Variants in TANC2 observed in about 807,000 individuals in gnomAD.
TANC2 encodes the protein protein TANC2.
TANC2 carries 26 observed loss-of-function variants against 210.5 expected under a neutral mutation model. That is an observed-to-expected ratio of 0.12 (90% CI 0.09 to 0.17). TANC2 has a LOEUF of 0.17. Among genes scored for constraint, TANC2 ranks in the 10% least tolerant of loss-of-function variants. The pLI is 1.00. For missense variants in TANC2, 2,129 were observed against 2,608.9 expected, an observed-to-expected ratio of 0.82 and a Z score of 4.01; for synonymous variants, 931 against 967.1, an observed-to-expected ratio of 0.96 and a Z score of 0.69.
At chr17:63,354,963 C>T in exon 14 of TANC2, 2 of 1,613,888 alleles carry the variant, frequency 1.2e-6, no homozygotes, top group Non-Finnish European at 1.7e-6. Context: ...ACTCAGTTCT[C>T]ATCTCAAGAC....
intron 7 of TANC2, among the ~76,000 whole-genome samples, chr17:63,230,427 A>G (rs1306967157): frequency 6.6e-6 from 1 of 152,180 alleles, no homozygotes; most frequent in Non-Finnish European, 1.5e-5. Flanking sequence ...TTAGTGCTGT[A>G]AATTTCCCTC....
At chr17:63,241,200 A>G (rs758682409) in intron 8 of TANC2, among the ~76,000 whole-genome samples, 2 of 152,226 alleles carry the variant, frequency 1.3e-5, no homozygotes, top group Non-Finnish European at 2.9e-5. Context: ...AGATGGTAGT[A>G]TGAGCCAGTT....
chr17:63,047,257 T>C lies in TANC2; in HGVS notation c.68-26686T>C, dbSNP rs1018339018. Among the ~76,000 whole-genome samples, 6 of 152,178 alleles carry C rather than the reference T, an allele frequency of 3.9e-5. No homozygotes were observed. In the South Asian group the frequency reaches 8.3e-4, roughly 21 times the overall value. On this transcript the variant is annotated intron_variant, in intron 2 of 27. Coordinates refer to ENST00000689528, the Ensembl canonical transcript of TANC2. ...AAGTAGATCCAATTAGAAATGAAGCTGGAAAAGTAGAACCTTATAGATCGT... is the reference window on the plus strand; with the variant it reads ...AAGTAGATCCAATTAGAAATGAAGCCGGAAAAGTAGAACCTTATAGATCGT...
chr17:63,222,626 T>C (rs953063753), intron 7 of TANC2, among the ~76,000 whole-genome samples: 1 of 152,170 alleles, frequency 6.6e-6, no homozygotes, highest in South Asian at 2.1e-4. Flanking sequence ...GAAAGTTGAT[T>C]ACAGCATAAC....
intron 15 of TANC2, 42 bp from the exon 16 acceptor site, chr17:63,388,593 T>C (rs138515779): frequency 6.4e-7 from 1 of 1,568,556 alleles, no homozygotes; most frequent in African/African-American, 1.4e-5. Flanking sequence ...GCTACTTTTT[T>C]TTGCTGGGCT....
chr17:63,314,565 T>C, exon 10 of TANC2: 2 of 1,613,964 alleles, frequency 1.2e-6, no homozygotes, highest in Non-Finnish European at 1.7e-6. Context: ...GTGGGAAACA[T>C]TGGATTCGGC....
intron 9 of TANC2, among the ~76,000 whole-genome samples, chr17:63,284,447 T>C (rs1243327337): frequency 3.9e-5 from 6 of 152,002 alleles, no homozygotes; most frequent in Non-Finnish European, 7.4e-5. Flanking sequence ...AAGTATTACC[T>C]CCTCTTTACT....
intron 11 of TANC2, among the ~76,000 whole-genome samples, chr17:63,339,634 C>T (rs2046159546): frequency 1.3e-5 from 2 of 152,128 alleles, no homozygotes; most frequent in Admixed American, 6.5e-5. Flanking sequence ...TTATAACACA[C>T]CTGTAATCCA....
chr17:63,140,831 C>T (rs2039263188), intron 4 of TANC2, among the ~76,000 whole-genome samples: 1 of 152,140 alleles, frequency 6.6e-6, no homozygotes, highest in South Asian at 2.1e-4. Context: ...ATTGCATCCT[C>T]TGCTTCCCAG....
At chr17:63,066,544 G>A (rs999280324) in intron 2 of TANC2, among the ~76,000 whole-genome samples, 3 of 152,210 alleles carry the variant, frequency 2.0e-5, no homozygotes, top group African/African-American at 7.2e-5. Flanking sequence ...TGAGGAATGA[G>A]AAAGGAACTC....
chr17:63,388,024 TC>T (rs1214207123), intron 15 of TANC2: 1 of 152,450 alleles, frequency 6.6e-6, no homozygotes, highest in African/African-American at 2.4e-5. Flanking sequence ...GCAGGCTCCT[TC>T]CGTGTAGTAG....
chr17:63,420,373 A>G lies in TANC2; in HGVS notation c.4643A>G (p.Gln1548Arg). Residue 1548 changes from glutamine to arginine, a missense_variant, in exon 28 of 28, where the codon CAG (glutamine) becomes CGG (arginine). This residue lies in a region of TANC2 where 584 missense variants were observed against 627.3 expected (regional missense o/e 0.93). Transcript: ENST00000689528. This position sits in a 1 kb window ranked among gnomAD's most constrained non-coding sequence, Gnocchi z 4.2. ...TCCAGCTCACCTCTTGGCTCTCATC[A>G]GGTTTTTGACTTCCGGTCCAGTAGT... 1 of 1,613,770 alleles carries G rather than the reference A, an allele frequency of 6.2e-7. No homozygotes were observed. The highest frequency in any genetic ancestry group is 8.5e-7 in the Non-Finnish European group (1 of 1,179,858).
chr17:63,209,847 A>G (rs1253617539), intron 7 of TANC2, among the ~76,000 whole-genome samples: 2 of 152,250 alleles, frequency 1.3e-5, no homozygotes, highest in Non-Finnish European at 2.9e-5. Context: ...ATTTTTAACC[A>G]TAAACGAATA....
At chr17:63,318,877 T>C (rs1228742104) in intron 10 of TANC2, 80 bp from the exon 11 acceptor site, 4 of 1,508,528 alleles carry the variant, frequency 2.7e-6, no homozygotes, top group African/African-American at 2.8e-5. Context: ...TGTTAGATCA[T>C]AGAACAAATG....
intron 7 of TANC2, among the ~76,000 whole-genome samples, chr17:63,234,869 A>T (rs2042577404): frequency 6.6e-6 from 1 of 152,150 alleles, no homozygotes; most frequent in Admixed American, 6.5e-5. Flanking sequence ...CATCTGCATA[A>T]TGAAGATAGT....
chr17:63,377,622 A>T (rs969209840), intron 14 of TANC2, among the ~76,000 whole-genome samples: 1 of 152,124 alleles, frequency 6.6e-6, no homozygotes, highest in Non-Finnish European at 1.5e-5. Flanking sequence ...GGAAGTTCCA[A>T]ACTTTCCCAC....
chr17:63,364,926 A>G (rs1007490840), intron 14 of TANC2, among the ~76,000 whole-genome samples: 1 of 152,248 alleles, frequency 6.6e-6, no homozygotes, highest in Non-Finnish European at 1.5e-5. Flanking sequence ...TATGTTCGGT[A>G]TAGTGAATAC....
At chr17:63,147,365 A>C (rs2039498880) in intron 4 of TANC2, among the ~76,000 whole-genome samples, 1 of 152,150 alleles carries the variant, frequency 6.6e-6, no homozygotes, top group East Asian at 1.9e-4. Flanking sequence ...AAAAAAGAAA[A>C]AAGAAAAGAA....
rs115478901 is a variant in TANC2 at position 63,406,397 on chromosome 17, A to G, written c.3589+120A>G. ...CAGATATTAATCCAGTTGGTTGGAA[A>G]ATGAAAGGCTATCTCCTCCCCTCTT... On this transcript the variant is annotated intron_variant, in intron 21 of 27. Coordinates refer to ENST00000689528, the Ensembl canonical transcript of TANC2. 1,398 of 1,403,946 alleles carry G rather than the reference A, an allele frequency of 1.0e-3. 12 individuals are homozygous for G. The African/African-American group carries it at 0.015, about 15-fold the overall frequency. 87.0% of individuals were successfully genotyped at this position (1,403,946 alleles called of 1,614,324 possible). A position where few individuals can be genotyped will look rare whatever the true frequency, so the allele number is the denominator to read the frequency against.
Sources: gnomAD v4.1 joint callset for allele counts (sites outside exome capture counted in the v4.1 genomes callset) on GRCh38, gnomAD v4.1.1 for gene constraint, gnomAD v4.1.1 regional missense constraint, Gnocchi (gnomAD v3.1) non-coding constraint, MANE v1.5 for transcripts, NCBI Gene and HGNC (gene_info 2026-07-23, HGNC 2026-07-21) for gene names.